FKBP14: variants seen among roughly 807,000 people sequenced by gnomAD.
The protein encoded by FKBP14 is peptidyl-prolyl cis-trans isomerase FKBP14.
In FKBP14, 20 loss-of-function variants were observed where a neutral mutation model predicts 21.6. That is an observed-to-expected ratio of 0.92 (90% CI 0.65 to 1.34). The LOEUF is 1.34. Among genes scored for constraint, FKBP14 ranks in the 40% most tolerant of loss-of-function variants. FKBP14 has a pLI of 0.00. For synonymous variants in FKBP14, 79 were observed against 86.7 expected (o/e 0.91, Z 0.49); for missense variants, 253 against 249.0 (o/e 1.02, Z -0.11).
chr7:30,006,156 C>G (rs1358847231), downstream of FKBP14, among the ~76,000 whole-genome samples: 1 of 129,818 alleles, frequency 7.7e-6, no homozygotes, highest in Non-Finnish European at 1.6e-5. Context: ...GGGTCTCCCT[C>G]TGTTACCCAG....
chr7:30,026,284 A>T, intron 1 of FKBP14, 28 bp downstream of exon 1: 1 of 1,577,176 alleles, frequency 6.3e-7, no homozygotes, highest in Non-Finnish European at 8.6e-7. Context: ...CTTAATTACT[A>T]TTTTACCTGC....
intron 1 of FKBP14, 135 bp from the exon 2 acceptor site, chr7:30,022,951 A>G (rs1391335555): frequency 1.5e-6 from 1 of 673,328 alleles, no homozygotes; most frequent in Non-Finnish European, 2.4e-6. Context: ...ATTTGCACAC[A>G]TACACACACA....
intron 1 of FKBP14, among the ~76,000 whole-genome samples, chr7:30,025,933 C>T (rs1790160862): frequency 6.6e-6 from 1 of 152,162 alleles, no homozygotes; most frequent in Non-Finnish European, 1.5e-5. Context: ...TCACCTACAC[C>T]ACATTAAAAA....
chr7:30,026,227 G>T, intron 1 of FKBP14, 85 bp downstream of exon 1: 1 of 1,332,668 alleles, frequency 7.5e-7, no homozygotes, highest in Non-Finnish European at 1.0e-6. Context: ...GCAAAACCAG[G>T]TACAGGCCAC....
chr7:30,008,680 A>T (rs1370799226), downstream of FKBP14, among the ~76,000 whole-genome samples: 2 of 150,998 alleles, frequency 1.3e-5, no homozygotes, highest in African/African-American at 4.9e-5. Flanking sequence ...GAGATTTAAA[A>T]AAAAAAAAAA....
downstream of FKBP14, among the ~76,000 whole-genome samples, chr7:30,007,694 T>C (rs935143274): frequency 5.3e-5 from 8 of 152,212 alleles, no homozygotes; most frequent in African/African-American, 1.9e-4. Context: ...AGTGAAGTTA[T>C]CTGTCCCTCA....
chr7:30,015,442 A>C (rs900060020), intron 3 of FKBP14, among the ~76,000 whole-genome samples: 2 of 145,246 alleles, frequency 1.4e-5, no homozygotes, highest in Admixed American at 1.4e-4. Flanking sequence ...AAAAAATTAA[A>C]AATATATATA....
chr7:30,018,416 CTCT>C (rs1336316864), intron 3 of FKBP14, among the ~76,000 whole-genome samples: 1 of 152,202 alleles, frequency 6.6e-6, no homozygotes, highest in Non-Finnish European at 1.5e-5. Flanking sequence ...AAGGAGAAGC[CTCT>C]TCTTCCTTTC....
chr7:30,012,356 A>G lies in FKBP14; in HGVS notation c.*2379T>C, dbSNP rs1326628346. The G allele has an allele frequency of 6.6e-6, 1 of 152,266 alleles. No individual in the cohort carries two copies. Among genetic ancestry groups the G allele is most frequent in the East Asian group, 1.9e-4 (1 of 5,206 alleles). 9.4% of individuals were successfully genotyped at this position (152,266 alleles called of 1,614,324 possible). A position where few individuals can be genotyped will look rare whatever the true frequency, so the allele number is the denominator to read the frequency against. On this transcript the variant is annotated 3_prime_UTR_variant, in exon 4 of 4. Transcript: ENST00000222803. The stretch of plus-strand genomic sequence containing the variant: ...TGCCTGAATAATCAAAACTCTTTTT[A>G]CTTTTCTTGCCCTACTATAGATAGC...
intron 2 of FKBP14, among the ~76,000 whole-genome samples, chr7:30,020,948 A>T (rs975984676): frequency 6.6e-6 from 1 of 152,226 alleles, no homozygotes; most frequent in African/African-American, 2.4e-5. Context: ...GGAATATATA[A>T]TGCTTGCCAT....
chr7:30,020,887 GGTTA>G (rs1355055081), intron 2 of FKBP14, among the ~76,000 whole-genome samples: 12 of 152,254 alleles, frequency 7.9e-5, no homozygotes, highest in Non-Finnish European at 1.2e-4. Flanking sequence ...AATTGAATTT[GGTTA>G]GTTAATCTTA....
At position 30,012,666 on chromosome 7, in the gene FKBP14, G is replaced by C. The variant is rs540214225; in HGVS notation, c.*2069C>G. The C allele has an allele frequency of 3.2e-4, 48 of 152,320 alleles. No homozygotes were observed. Among genetic ancestry groups the C allele is most frequent in the African/African-American group, 1.1e-3 (46 of 41,568 alleles). The allele number at this position is 152,320 out of a possible 1,614,324, so 9.4% of individuals were successfully genotyped here. ...ACAACAAATGGGGGTAAATATGAAT[G>C]AAAGAAGTAAAACACATCTGGAACC... On this transcript the variant is annotated 3_prime_UTR_variant, in exon 4 of 4. Coordinates refer to ENST00000222803, the MANE Select transcript of FKBP14 (RefSeq NM_017946.4).
rs755189790 is a variant in FKBP14 at position 30,014,720 on chromosome 7, A to G, written c.*15T>C. 5.3e-6 allele frequency: 8 copies of G among 1,504,720 alleles called. No homozygotes were observed. The South Asian group carries it at 5.5e-5, about 10-fold the overall frequency. 93.2% of individuals were successfully genotyped at this position (1,504,720 alleles called of 1,614,324 possible). On this transcript the variant is annotated 3_prime_UTR_variant, in exon 4 of 4. Transcript: ENST00000222803. ...CTTGAAAGATGAGTGCTATATTAAA[A>G]GGGTAGATGTATCTCTATAACTCAT...
chr7:30,020,530 T>TA (rs1306301992), intron 2 of FKBP14, among the ~76,000 whole-genome samples: 2 of 152,192 alleles, frequency 1.3e-5, no homozygotes, highest in Non-Finnish European at 2.9e-5. Flanking sequence ...ACCCCATACA[T>TA]ACAATGCTTT....
At chr7:30,018,737 G>A (rs183223052) in intron 3 of FKBP14, among the ~76,000 whole-genome samples, 28 of 152,154 alleles carry the variant, frequency 1.8e-4, no homozygotes, top group African/African-American at 6.5e-4. Flanking sequence ...CCTAAGCATT[G>A]GGAAGAAAAA....
Position 30,012,627 on chromosome 7 carries a change from A to G in FKBP14, c.*2108T>C, listed in dbSNP as rs1339403476. ...TCTACATATGATGTAATAATTGTTCATAATTCTTTTTAAACAACAAATGGG... is the reference window on the plus strand; with the variant it reads ...TCTACATATGATGTAATAATTGTTCGTAATTCTTTTTAAACAACAAATGGG... On this transcript the variant is annotated 3_prime_UTR_variant, in exon 4 of 4. Transcript: ENST00000222803. 2.6e-5 allele frequency: 4 copies of G among 152,246 alleles called. No homozygotes were observed. Among genetic ancestry groups the G allele is most frequent in the Non-Finnish European group, 5.9e-5 (4 of 68,044 alleles). The allele number at this position is 152,246 out of a possible 1,614,324, so 9.4% of individuals were successfully genotyped here. A position where few individuals can be genotyped will look rare whatever the true frequency, so the allele number is the denominator to read the frequency against.
chr7:30,022,929 C>G, intron 1 of FKBP14, 113 bp from the exon 2 acceptor site: 3 of 948,066 alleles, frequency 3.2e-6, no homozygotes, highest in Non-Finnish European at 4.6e-6. Flanking sequence ...TTTATAAATA[C>G]AGCAATTCTG....
chr7:30,023,991 GAA>G (rs1252701054), intron 1 of FKBP14, among the ~76,000 whole-genome samples: 1 of 152,170 alleles, frequency 6.6e-6, no homozygotes, highest in Non-Finnish European at 1.5e-5. Flanking sequence ...CTCATGAGTT[GAA>G]GAGAGTCTAG....
At chr7:30,017,156 A>G (rs973890677) in intron 3 of FKBP14, among the ~76,000 whole-genome samples, 2 of 151,920 alleles carry the variant, frequency 1.3e-5, no homozygotes, top group African/African-American at 4.8e-5. Flanking sequence ...ATGCTTGTAC[A>G]TAGCGAGACC....
Sources: gnomAD v4.1 joint callset for allele counts (sites outside exome capture counted in the v4.1 genomes callset) on GRCh38, gnomAD v4.1.1 for gene constraint, MANE v1.5 for transcripts, NCBI Gene and HGNC (gene_info 2026-07-23, HGNC 2026-07-21) for gene names.